MACROD2: variants seen among roughly 807,000 people sequenced by gnomAD.
MACROD2 encodes ADP-ribose glycohydrolase MACROD2.
MACROD2 carries 36 observed loss-of-function variants against 70.4 expected under a neutral mutation model. That is an observed-to-expected ratio of 0.51 (90% confidence interval 0.39 to 0.68). The LOEUF is 0.68. Ranked by LOEUF, MACROD2 falls within the 30% of genes least tolerant of loss-of-function variation. The pLI is 0.00. For synonymous variants in MACROD2, 172 were observed against 178.8 expected (o/e 0.96, Z 0.30); for missense variants, 496 against 538.4 (o/e 0.92, Z 0.78).
At chr20:15,378,148 T>G (rs2045588200) in intron 6 of MACROD2, among the ~76,000 whole-genome samples, 1 of 139,082 alleles carries the variant, frequency 7.2e-6, no homozygotes, top group African/African-American at 2.7e-5. Context: ...AAGAAAAAAA[T>G]AAAAGAAGAG....
chr20:14,061,780 C>T (rs939121601), intron 2 of MACROD2, among the ~76,000 whole-genome samples: 2 of 152,252 alleles, frequency 1.3e-5, no homozygotes, highest in Admixed American at 1.3e-4. Context: ...TGAAGACACA[C>T]TGAGTCAGTA....
intron 5 of MACROD2, among the ~76,000 whole-genome samples, chr20:14,990,522 T>C (rs1166931294): frequency 1.3e-5 from 2 of 148,884 alleles, no homozygotes; most frequent in African/African-American, 2.5e-5. Flanking sequence ...TTTCTTTTTT[T>C]TTTTTTTTTG....
At chr20:15,737,889 T>TG (rs1568533288) in intron 8 of MACROD2, among the ~76,000 whole-genome samples, 1 of 148,830 alleles carries the variant, frequency 6.7e-6, no homozygotes, top group African/African-American at 2.5e-5. Context: ...GATGGATGGA[T>TG]GATGAATGGA....
intron 8 of MACROD2, among the ~76,000 whole-genome samples, chr20:15,757,546 A>G (rs1468497601): frequency 1.3e-5 from 2 of 152,174 alleles, no homozygotes; most frequent in African/African-American, 4.8e-5. Flanking sequence ...CTAATACTGA[A>G]TTCTACCATC....
chr20:14,352,757 G>T (rs2083135266), intron 3 of MACROD2, among the ~76,000 whole-genome samples: 1 of 150,322 alleles, frequency 6.7e-6, no homozygotes, highest in Admixed American at 6.6e-5. Context: ...TCCCCTTTTT[G>T]GCTAAACTTT....
At chr20:15,409,829 G>A (rs76328504) in intron 6 of MACROD2, among the ~76,000 whole-genome samples, 1,526 of 152,250 alleles carry the variant, frequency 0.01, 22 homozygotes, top group African/African-American at 0.035. Context: ...GGCTTGCAAT[G>A]AGAAGGCACT....
intron 3 of MACROD2, among the ~76,000 whole-genome samples, chr20:14,087,285 A>C (rs913181938): frequency 6.6e-5 from 10 of 151,930 alleles, no homozygotes; most frequent in Non-Finnish European, 1.0e-4. Flanking sequence ...AGTCCCAGCT[A>C]CTCGGGAGGC....
chr20:15,617,898 G>C (rs1702137872), intron 8 of MACROD2, among the ~76,000 whole-genome samples: 1 of 152,084 alleles, frequency 6.6e-6, no homozygotes, highest in African/African-American at 2.4e-5. Flanking sequence ...GGTGGGGACA[G>C]GGTTTTAGGA....
chr20:15,586,073 A>G (rs1048219020), intron 8 of MACROD2, among the ~76,000 whole-genome samples: 1 of 152,196 alleles, frequency 6.6e-6, no homozygotes, highest in African/African-American at 2.4e-5. Flanking sequence ...ATGGTTGTTA[A>G]TTGAATGTCA....
At chr20:15,092,226 A>G (rs1011613545) in intron 5 of MACROD2, among the ~76,000 whole-genome samples, 7 of 152,014 alleles carry the variant, frequency 4.6e-5, no homozygotes, top group Non-Finnish European at 8.8e-5. Flanking sequence ...TTTTGCTAGT[A>G]GATTTTTATT....
At chr20:14,551,475 G>A (rs1978649889) in intron 4 of MACROD2, among the ~76,000 whole-genome samples, 3 of 152,170 alleles carry the variant, frequency 2.0e-5, no homozygotes, top group Admixed American at 6.6e-5. Flanking sequence ...CATAATTTCT[G>A]ACATAGTAAG....
rs374179608 is a variant in MACROD2 at position 15,628,894 on chromosome 20, G to T, written c.645+129047G>T. On this transcript the variant is annotated intron_variant, in intron 8 of 17. Coordinates refer to ENST00000684519, the MANE Select transcript of MACROD2 (RefSeq NM_001351661.2). ...TCATATGGTGTGTATTGGTTTCTTTGACTCAATATTATGGTTGTGAAAGTC... is the reference window on the plus strand; with the variant it reads ...TCATATGGTGTGTATTGGTTTCTTTTACTCAATATTATGGTTGTGAAAGTC... Among the ~76,000 whole-genome samples the T allele has an allele frequency of 2.4e-4, 37 of 152,334 alleles. No individual in the cohort carries two copies. In the South Asian group the frequency reaches 7.5e-3, roughly 31 times the overall value.
chr20:14,361,109 T>C (rs1425569631), intron 3 of MACROD2, among the ~76,000 whole-genome samples: 2 of 152,218 alleles, frequency 1.3e-5, no homozygotes, highest in Admixed American at 6.5e-5. Flanking sequence ...TATCTACTTA[T>C]GTACTTATGT....
intron 5 of MACROD2, among the ~76,000 whole-genome samples, chr20:14,992,787 T>A (rs1303232728): frequency 1.3e-5 from 2 of 152,304 alleles, no homozygotes; most frequent in African/African-American, 4.8e-5. Context: ...GTGAAGTTCC[T>A]TTCTTTGAAA....
chr20:14,737,313 A>G (rs1600606200), intron 5 of MACROD2, among the ~76,000 whole-genome samples: 1 of 152,232 alleles, frequency 6.6e-6, no homozygotes, highest in African/African-American at 2.4e-5. Context: ...AGAGTATTCC[A>G]TGGTGTATAT....
chr20:15,390,112 A>C (rs1292786241), intron 6 of MACROD2, among the ~76,000 whole-genome samples: 1 of 152,148 alleles, frequency 6.6e-6, no homozygotes, highest in Admixed American at 6.5e-5. Context: ...GCCCCAGCCC[A>C]CAAACTCCTT....
intron 6 of MACROD2, among the ~76,000 whole-genome samples, chr20:15,333,251 G>T (rs773993433): frequency 6.6e-6 from 1 of 151,450 alleles, no homozygotes; most frequent in Non-Finnish European, 1.5e-5. Flanking sequence ...ATTTGTTTTG[G>T]TAAACTCTCC....
intron 8 of MACROD2, among the ~76,000 whole-genome samples, chr20:15,816,092 T>C (rs1268111877): frequency 6.6e-6 from 1 of 152,010 alleles, no homozygotes; most frequent in Admixed American, 6.6e-5. Context: ...TCATTATATG[T>C]ATATAATACA....
intron 7 of MACROD2, among the ~76,000 whole-genome samples, chr20:15,443,978 G>A (rs749869779): frequency 5.1e-4 from 77 of 152,084 alleles, no homozygotes; most frequent in Non-Finnish European, 8.8e-4. Context: ...TTTTTAAAGC[G>A]GTTTTATTAA....
Sources: gnomAD v4.1 joint callset for allele counts (sites outside exome capture counted in the v4.1 genomes callset) on GRCh38, gnomAD v4.1.1 for gene constraint, MANE v1.5 for transcripts, NCBI Gene and HGNC (gene_info 2026-07-23, HGNC 2026-07-21) for gene names.